The following NEDD4L variants were observed in gnomAD, a reference collection of about 807,000 sequenced individuals.
NEDD4L encodes the protein E3 ubiquitin-protein ligase NEDD4-like.
Under a neutral mutation model 148.9 loss-of-function variants are expected in NEDD4L, and 54 were observed. The observed-to-expected ratio is 0.36, with a 90% CI of 0.29 to 0.45. NEDD4L has a LOEUF of 0.45. Ranked by LOEUF, NEDD4L falls within the 20% of genes least tolerant of loss-of-function variation. The pLI is 1.00. For synonymous variants in NEDD4L, 433 were observed against 440.7 expected (o/e 0.98, Z 0.22); for missense variants, 856 against 1,233.8 (o/e 0.69, Z 4.59).
chr18:58,325,499 C>T (rs2059234658), intron 9 of NEDD4L, among the ~76,000 whole-genome samples: 1 of 152,138 alleles, frequency 6.6e-6, no homozygotes, highest in Non-Finnish European at 1.5e-5. Flanking sequence ...TCTTCTTCAC[C>T]TTTCTCTCCC....
chr18:58,083,231 A>G (rs933388926), intron 1 of NEDD4L, among the ~76,000 whole-genome samples: 4 of 152,238 alleles, frequency 2.6e-5, no homozygotes, highest in African/African-American at 9.6e-5. Flanking sequence ...GTTCACAGTA[A>G]CATGATAATA....
intron 1 of NEDD4L, among the ~76,000 whole-genome samples, chr18:58,123,625 A>G (rs1459165568): frequency 2.0e-5 from 3 of 152,158 alleles, no homozygotes. Flanking sequence ...GTCATCACTC[A>G]TTGTATCAGG....
chr18:58,109,249 G>T (rs145347673), intron 1 of NEDD4L, among the ~76,000 whole-genome samples: 204 of 152,346 alleles, frequency 1.3e-3, no homozygotes, highest in African/African-American at 4.8e-3. Context: ...GGTGTGTTCA[G>T]GTTGTCATGC....
chr18:58,326,636 C>A (rs1349895794), intron 9 of NEDD4L, among the ~76,000 whole-genome samples: 1 of 152,186 alleles, frequency 6.6e-6, no homozygotes, highest in Non-Finnish European at 1.5e-5. Context: ...TGCTCAACAG[C>A]ATGAGAAAGG....
Position 58,343,058 on chromosome 18 carries a change from C to A in NEDD4L, c.1530C>A (p.Asn510Lys). Residue 510 changes from asparagine (N) to lysine (K), a missense_variant, in exon 16 of 31, where the codon AAC becomes AAA. Coordinates refer to ENST00000400345, the MANE Select transcript of NEDD4L (RefSeq NM_001144967.3). Reference sequence around the variant, plus strand: ...GCTGGGAAATGAGGATAGCGCCAAACGGCCGGCCCTTCTTCATTGATCATA... The same window carrying A: ...GCTGGGAAATGAGGATAGCGCCAAAAGGCCGGCCCTTCTTCATTGATCATA... The part of the protein sequence containing the change: ...PPGWEMRIAP[N>K]GRPFFIDHNT... 1 of 1,612,280 alleles carries A rather than the reference C, an allele frequency of 6.2e-7. No homozygotes were observed. Among genetic ancestry groups the A allele is most frequent in the Non-Finnish European group, 8.5e-7 (1 of 1,179,078 alleles).
At chr18:58,370,330 C>A in intron 22 of NEDD4L, 67 bp from the exon 23 acceptor site, 1 of 965,836 alleles carries the variant, frequency 1.0e-6, no homozygotes, top group South Asian at 1.3e-5. Flanking sequence ...TTAATCTTTT[C>A]TTTCATGCTC....
intron 2 of NEDD4L, among the ~76,000 whole-genome samples, chr18:58,180,142 C>T (rs940840922): frequency 1.3e-5 from 2 of 152,164 alleles, no homozygotes; most frequent in Non-Finnish European, 2.9e-5. Flanking sequence ...CCTGGGTGAA[C>T]GGGGGCACAG....
chr18:58,167,653 T>A (rs1354364499), intron 2 of NEDD4L, among the ~76,000 whole-genome samples: 1 of 152,234 alleles, frequency 6.6e-6, no homozygotes, highest in Admixed American at 6.5e-5. Flanking sequence ...ATTAGAAATT[T>A]ACTGGGGACA....
intron 1 of NEDD4L, among the ~76,000 whole-genome samples, chr18:58,154,471 T>C (rs1274948994): frequency 6.6e-6 from 1 of 152,174 alleles, no homozygotes; most frequent in African/African-American, 2.4e-5. Context: ...CAGGAGTAGT[T>C]AAGCTCAACT....
At chr18:58,058,586 A>G (rs2082190813) in intron 1 of NEDD4L, among the ~76,000 whole-genome samples, 1 of 152,240 alleles carries the variant, frequency 6.6e-6, no homozygotes, top group Non-Finnish European at 1.5e-5. Context: ...TTCAACAGAG[A>G]AAGAATTAAC....
chr18:58,272,926 A>G (rs1028874876), intron 5 of NEDD4L, among the ~76,000 whole-genome samples: 2 of 152,220 alleles, frequency 1.3e-5, no homozygotes, highest in African/African-American at 4.8e-5. Context: ...GAATGTGCCA[A>G]AGGAGGCAAA....
chr18:58,392,540 T>C (rs954361285), intron 30 of NEDD4L, among the ~76,000 whole-genome samples: 2 of 152,178 alleles, frequency 1.3e-5, no homozygotes, highest in African/African-American at 4.8e-5. Flanking sequence ...AAAGGTGTTT[T>C]TTTTTTCTAT....
intron 6 of NEDD4L, among the ~76,000 whole-genome samples, chr18:58,318,114 G>A (rs1261925320): frequency 2.6e-5 from 4 of 152,234 alleles, no homozygotes; most frequent in Non-Finnish European, 5.9e-5. Context: ...TAGCACACAG[G>A]TATGAGTGTG....
chr18:58,277,405 T>A (rs1162544453), intron 5 of NEDD4L, among the ~76,000 whole-genome samples: 1 of 152,066 alleles, frequency 6.6e-6, no homozygotes, highest in African/African-American at 2.4e-5. Flanking sequence ...TAGTCCCAGA[T>A]GAGTGCTTGG....
chr18:58,264,774 T>G (rs2049982408), intron 5 of NEDD4L, among the ~76,000 whole-genome samples: 1 of 152,114 alleles, frequency 6.6e-6, no homozygotes, highest in Non-Finnish European at 1.5e-5. Flanking sequence ...ACACTAGAAC[T>G]TACTCCTTCA....
rs139542824 is a variant in NEDD4L at position 58,352,470 on chromosome 18, C to T, written c.1708+1425C>T. Among the ~76,000 whole-genome samples the T allele has an allele frequency of 3.4e-4, 52 of 152,140 alleles. 1 individual carries two copies. The highest frequency in any genetic ancestry group is 1.1e-3 in the African/African-American group (45 of 41,498). On this transcript the variant is annotated intron_variant, in intron 18 of 30. Coordinates refer to ENST00000400345, the MANE Select transcript of NEDD4L (RefSeq NM_001144967.3). ...AGGAGTTCGAGATTAGCCTGGCCAA[C>T]GTGATGAAACCCCGTCTCTACTAAA...
At chr18:58,386,895 C>T (rs2049103011) in intron 26 of NEDD4L, among the ~76,000 whole-genome samples, 1 of 152,252 alleles carries the variant, frequency 6.6e-6, no homozygotes, top group Admixed American at 6.5e-5. Context: ...CTGGGCCCCA[C>T]CGCAGGCGGT....
intron 1 of NEDD4L, among the ~76,000 whole-genome samples, chr18:58,104,336 C>T (rs184161592): frequency 1.3e-5 from 2 of 152,212 alleles, no homozygotes; most frequent in South Asian, 2.1e-4. Flanking sequence ...GGGGCTGGGG[C>T]GCGGTAGGGA....
At chr18:58,199,161 TAAATC>T (rs1568372842) in intron 2 of NEDD4L, among the ~76,000 whole-genome samples, 1 of 152,260 alleles carries the variant, frequency 6.6e-6, no homozygotes, top group Non-Finnish European at 1.5e-5. Flanking sequence ...TAAAAATTGT[TAAATC>T]TAATTAAACA....
Sources: allele counts gnomAD v4.1 joint callset (sites outside exome capture counted in the v4.1 genomes callset), GRCh38; gene constraint gnomAD v4.1.1; transcripts MANE v1.5; gene names NCBI Gene and HGNC (gene_info 2026-07-23, HGNC 2026-07-21).